Variants in SMG9 observed in about 807,000 individuals in gnomAD.
SMG9 encodes the protein SMG9 nonsense mediated mRNA decay factor.
In SMG9, 55 loss-of-function variants were observed where a neutral mutation model predicts 64.0. The observed-to-expected ratio is 0.86, with a 90% CI of 0.69 to 1.08. The LOEUF is 1.08. Ranked by LOEUF, SMG9 falls within the 50% of genes least tolerant of loss-of-function variation. The probability of loss-of-function intolerance (pLI) is 0.00; values close to 1 mark genes in which losing one functional copy is unlikely to be tolerated. For missense variants in SMG9, 554 were observed against 681.3 expected (o/e 0.81, Z 2.08); for synonymous variants, 244 against 254.8 (o/e 0.96, Z 0.41).
In SMG9 at chr19:43,747,848, G is replaced by T; in HGVS notation, c.275C>A (p.Ala92Asp). The change falls in exon 4 of 14, where the codon GCC becomes GAC. Residue 92 changes from alanine (A) to aspartate (D), a missense_variant. Ala to Asp is a moderately radical substitution (Grantham distance 126). Transcript: ENST00000270066. ...GAGAACGATGGGCTTCTCCAGAGGG[G>T]CTGGAGCAGGCGGGGCAGCAGGGGC... ...PTAPAAPPAPAPLEKPIVLMK... is the reference protein window; with the variant it reads ...PTAPAAPPAPDPLEKPIVLMK... The T allele has an allele frequency of 6.2e-7, 1 of 1,607,542 alleles. No homozygotes were observed.
At chr19:43,733,047 G>T in intron 12 of SMG9, 45 bp from the exon 13 acceptor site, 3 of 1,558,776 alleles carry the variant, frequency 1.9e-6, no homozygotes, top group Non-Finnish European at 2.6e-6. Flanking sequence ...GACTGCCAGG[G>T]TCTTTCTCCC....
At chr19:43,736,370 G>GT (rs1355625153) in intron 9 of SMG9, among the ~76,000 whole-genome samples, 2 of 152,112 alleles carry the variant, frequency 1.3e-5, no homozygotes, top group African/African-American at 4.8e-5. Flanking sequence ...ATAAGCTCCT[G>GT]TCCCTTCCTT....
intron 1 of SMG9, among the ~76,000 whole-genome samples, chr19:43,754,214 G>C (rs143165551): frequency 2.6e-5 from 4 of 152,122 alleles, no homozygotes; most frequent in Admixed American, 2.6e-4. Flanking sequence ...CCACTTCGTG[G>C]GGCACTCCCC....
intron 9 of SMG9, among the ~76,000 whole-genome samples, chr19:43,735,440 A>G (rs555009968): frequency 6.6e-6 from 1 of 152,038 alleles, no homozygotes; most frequent in Non-Finnish European, 1.5e-5. Context: ...CAACATCGCG[A>G]AACTGTGTCT....
At chr19:43,741,748 C>G (rs972287474) in intron 6 of SMG9, among the ~76,000 whole-genome samples, 1 of 152,214 alleles carries the variant, frequency 6.6e-6, no homozygotes. Flanking sequence ...CTCCTCCCAG[C>G]ATGCTTTTTC....
At chr19:43,733,232 A>G in intron 12 of SMG9, 92 bp downstream of exon 12, 1 of 1,528,878 alleles carries the variant, frequency 6.5e-7, no homozygotes, top group Non-Finnish European at 8.8e-7. Flanking sequence ...AACCAGGGCA[A>G]CCCATGTCGC....
chr19:43,742,800 T>A (rs1044536478), intron 6 of SMG9, among the ~76,000 whole-genome samples: 2 of 151,938 alleles, frequency 1.3e-5, no homozygotes, highest in African/African-American at 4.8e-5. Context: ...GAAAGAGAAT[T>A]AGCAGGAAGG....
At chr19:43,742,198 CCTAG>C (rs1194854267) in intron 6 of SMG9, among the ~76,000 whole-genome samples, 1 of 152,016 alleles carries the variant, frequency 6.6e-6, no homozygotes, top group African/African-American at 2.4e-5. Context: ...CAAATGTAGT[CCTAG>C]CTACTCAGAA....
chr19:43,750,906 C>T (rs1416834344), intron 1 of SMG9, among the ~76,000 whole-genome samples, 159 bp from the exon 2 acceptor site: 1 of 152,178 alleles, frequency 6.6e-6, no homozygotes, highest in African/African-American at 2.4e-5. Flanking sequence ...CTCACTGCAA[C>T]CTCTGCCTCC....
chr19:43,741,219 T>C (rs1439613090), intron 6 of SMG9, among the ~76,000 whole-genome samples: 1 of 152,204 alleles, frequency 6.6e-6, no homozygotes, highest in Non-Finnish European at 1.5e-5. Flanking sequence ...GCTTAGTTGG[T>C]GGAGCCAGAA....
Position 43,733,007 on chromosome 19 carries a change from A to C in SMG9, c.1340-5T>G. On this transcript the variant is annotated splice_polypyrimidine_tract_variant and splice_region_variant and intron_variant, in intron 12 of 13. Transcript: ENST00000270066. Reference sequence around the variant, plus strand: ...AGAGTGGGCTGGAACCAGGTCCTGGAAAGTTGGGGCAGGGAGGGTAAGAGG... The same window carrying C: ...AGAGTGGGCTGGAACCAGGTCCTGGCAAGTTGGGGCAGGGAGGGTAAGAGG... 1.9e-6 allele frequency: 3 copies of C among 1,606,796 alleles called. No individual in the cohort carries two copies. Among genetic ancestry groups the C allele is most frequent in the Non-Finnish European group, 2.6e-6 (3 of 1,176,428 alleles).
chr19:43,748,500 G>C (rs1038241616), intron 2 of SMG9, among the ~76,000 whole-genome samples: 1 of 152,228 alleles, frequency 6.6e-6, no homozygotes, highest in Non-Finnish European at 1.5e-5. Flanking sequence ...TGATGAGGAT[G>C]AAAGGAGAGA....
intron 1 of SMG9, among the ~76,000 whole-genome samples, chr19:43,751,536 G>C (rs346543): frequency 0.02 from 3,014 of 152,342 alleles, 97 homozygotes; most frequent in African/African-American, 0.069. Flanking sequence ...AAAACCCTCA[G>C]TTCTGAGCTA....
intron 5 of SMG9, 135 bp from the exon 6 acceptor site, chr19:43,745,019 C>G: frequency 5.2e-6 from 3 of 580,612 alleles, no homozygotes; most frequent in African/African-American, 3.8e-5. Context: ...TAGTCCCAAC[C>G]CCTTCAACTA....
chr19:43,748,865 G>A (rs542550706), intron 2 of SMG9: 200 of 508,516 alleles, frequency 3.9e-4, no homozygotes, highest in Non-Finnish European at 6.5e-4. Context: ...AAGACGAAGT[G>A]AAAGTGCTTC....
chr19:43,738,189 T>C lies in SMG9; in HGVS notation c.842A>G (p.His281Arg). 7 of 1,613,998 alleles carry C rather than the reference T, an allele frequency of 4.3e-6. No homozygotes were observed. The highest frequency in any genetic ancestry group is 5.9e-6 in the Non-Finnish European group (7 of 1,179,996). The stretch of plus-strand genomic sequence containing the variant: ...CAGTTTGCGGTCATTATTGATGAGA[T>C]GGTCTAGGATAGAAGGGCTCAGGAT... ...QPILSPSILD[H>R]LINNDRKLPP... Residue 281 changes from histidine (H) to arginine (R), a missense_variant, in exon 8 of 14, where the codon CAT becomes CGT. By Grantham distance (29) the His-to-Arg change is conservative (BLOSUM62 0). Coordinates refer to ENST00000270066, the MANE Select transcript of SMG9 (RefSeq NM_019108.4).
chr19:43,739,997 C>T, intron 7 of SMG9, 110 bp downstream of exon 7: 1 of 824,506 alleles, frequency 1.2e-6, no homozygotes, highest in Non-Finnish European at 2.1e-6. Flanking sequence ...ATGTCCATGG[C>T]TTGACTGGAA....
At chr19:43,742,030 C>T (rs1212232142) in intron 6 of SMG9, among the ~76,000 whole-genome samples, 1 of 152,104 alleles carries the variant, frequency 6.6e-6, no homozygotes, top group African/African-American at 2.4e-5. Flanking sequence ...CGCCTGTAAT[C>T]CCAGCTACTC....
intron 9 of SMG9, 46 bp from the exon 10 acceptor site, chr19:43,734,541 A>C (rs1381339457): frequency 1.5e-6 from 2 of 1,349,252 alleles, no homozygotes; most frequent in South Asian, 2.5e-5. Context: ...CTTGCACCCC[A>C]GGTCCCACAG....
Sources: gnomAD v4.1 joint callset for allele counts (sites outside exome capture counted in the v4.1 genomes callset) on GRCh38, gnomAD v4.1.1 for gene constraint, MANE v1.5 for transcripts, NCBI Gene and HGNC (gene_info 2026-07-23, HGNC 2026-07-21) for gene names.